Variants in PTN observed in about 807,000 individuals in gnomAD.
PTN encodes pleiotrophin.
In PTN, 18 loss-of-function variants were observed where a neutral mutation model predicts 24.1. The observed-to-expected ratio is 0.75, with a 90% CI of 0.52 to 1.11. The LOEUF (loss-of-function observed/expected upper bound fraction) is 1.11. Among genes scored for constraint, PTN ranks in the 50% least tolerant of loss-of-function variants. The pLI is 0.00. For synonymous variants in PTN, 78 were observed against 68.6 expected, an observed-to-expected ratio of 1.14 and a Z score of -0.67; for missense variants, 163 against 198.8, an observed-to-expected ratio of 0.82 and a Z score of 1.08.
At chr7:137,310,404 G>A (rs148998408) in intron 1 of PTN, among the ~76,000 whole-genome samples, 4 of 115,816 alleles carry the variant, frequency 3.5e-5, no homozygotes, top group African/African-American at 1.3e-4. Context: ...TTTTTTTTTT[G>A]TTTTTTTTTT....
At chr7:137,336,770 G>A (rs988898450) in intron 1 of PTN, among the ~76,000 whole-genome samples, 10 of 152,178 alleles carry the variant, frequency 6.6e-5, no homozygotes, top group Admixed American at 2.6e-4. Flanking sequence ...TGCATCTGGT[G>A]CTGCTTCACC....
chr7:137,277,487 C>A (rs1315580465), intron 1 of PTN, among the ~76,000 whole-genome samples: 1 of 151,804 alleles, frequency 6.6e-6, no homozygotes, highest in Non-Finnish European at 1.5e-5. Context: ...TTGTAATAGC[C>A]AAAAATGGTA....
At chr7:137,332,177 C>T (rs992294884) in intron 1 of PTN, among the ~76,000 whole-genome samples, 1 of 152,144 alleles carries the variant, frequency 6.6e-6, no homozygotes, top group African/African-American at 2.4e-5. Flanking sequence ...CACCCAATTA[C>T]GCATCTAACT....
intron 1 of PTN, among the ~76,000 whole-genome samples, chr7:137,298,647 T>C (rs1438201463): frequency 6.6e-6 from 1 of 151,948 alleles, no homozygotes; most frequent in Non-Finnish European, 1.5e-5. Context: ...TTGCCTATAA[T>C]TATTGTAAAG....
intron 4 of PTN, among the ~76,000 whole-genome samples, chr7:137,249,272 C>CGTGTGTGTGTGT (rs60014659): frequency 1.1e-3 from 165 of 145,372 alleles, no homozygotes; most frequent in Middle Eastern, 3.5e-3. Flanking sequence ...GGACAGTGCA[C>CGTGTGTGTGTGT]GTGTGTGTGT....
chr7:137,311,632 G>A (rs1809984081), intron 1 of PTN, among the ~76,000 whole-genome samples: 1 of 152,118 alleles, frequency 6.6e-6, no homozygotes, highest in Admixed American at 6.6e-5. Context: ...TCAATATTTT[G>A]TCTCAACAAA....
At chr7:137,303,808 C>T (rs895299895) in intron 1 of PTN, among the ~76,000 whole-genome samples, 38 of 151,958 alleles carry the variant, frequency 2.5e-4, no homozygotes, top group Admixed American at 1.6e-3. Flanking sequence ...AGAAACTAAA[C>T]CAGCTAAGCT....
chr7:137,307,637 C>A (rs1334682607), intron 1 of PTN, among the ~76,000 whole-genome samples: 1 of 152,024 alleles, frequency 6.6e-6, no homozygotes, highest in Non-Finnish European at 1.5e-5. Context: ...TACATTACCT[C>A]CACAGTATGT....
At chr7:137,329,272 T>C (rs1267315224) in intron 1 of PTN, among the ~76,000 whole-genome samples, 1 of 152,174 alleles carries the variant, frequency 6.6e-6, no homozygotes, top group Non-Finnish European at 1.5e-5. Context: ...CTCAGAAATT[T>C]TAAATGATGA....
At chr7:137,308,329 T>C (rs1809922381) in intron 1 of PTN, among the ~76,000 whole-genome samples, 1 of 152,172 alleles carries the variant, frequency 6.6e-6, no homozygotes, top group African/African-American at 2.4e-5. Context: ...ATAGGAAAAC[T>C]GGACTTACCA....
intron 1 of PTN, among the ~76,000 whole-genome samples, chr7:137,300,674 G>T (rs758473714): frequency 6.6e-6 from 1 of 151,770 alleles, no homozygotes; most frequent in Non-Finnish European, 1.5e-5. Flanking sequence ...CAGCACAGCG[G>T]ATCTCCCAAA....
At chr7:137,266,015 TTAA>T (rs1809137581) in intron 1 of PTN, among the ~76,000 whole-genome samples, 1 of 152,228 alleles carries the variant, frequency 6.6e-6, no homozygotes, top group African/African-American at 2.4e-5. Flanking sequence ...TAGTGTGTTA[TTAA>T]TGTTAAACTT....
At chr7:137,244,815 C>G (rs1202058791) in intron 4 of PTN, among the ~76,000 whole-genome samples, 1 of 152,164 alleles carries the variant, frequency 6.6e-6, no homozygotes, top group East Asian at 1.9e-4. Flanking sequence ...AGGATTGCTT[C>G]TATACCTCAA....
intron 1 of PTN, chr7:137,325,890 C>T (rs1810251720): frequency 6.6e-6 from 1 of 152,172 alleles, no homozygotes; most frequent in African/African-American, 2.4e-5. Flanking sequence ...GGCCTCACAC[C>T]ATTCCATGTG....
intron 4 of PTN, among the ~76,000 whole-genome samples, chr7:137,242,587 T>G (rs1434634217): frequency 6.6e-6 from 1 of 152,210 alleles, no homozygotes; most frequent in East Asian, 1.9e-4. Flanking sequence ...ATGCATCTGA[T>G]TTAAAAAGTA....
At chr7:137,324,166 CA>C (rs1439473768) in intron 1 of PTN, among the ~76,000 whole-genome samples, 2 of 151,862 alleles carry the variant, frequency 1.3e-5, no homozygotes, top group Non-Finnish European at 1.5e-5. Flanking sequence ...ATGCCAAATA[CA>C]TTACACACAC....
chr7:137,279,750 T>C (rs1277972578), intron 1 of PTN, among the ~76,000 whole-genome samples: 1 of 152,142 alleles, frequency 6.6e-6, no homozygotes, highest in Non-Finnish European at 1.5e-5. Context: ...ATGAAGAATT[T>C]TGAACAAAGA....
chr7:137,297,694 CTT>C (rs1365238770), intron 1 of PTN, among the ~76,000 whole-genome samples: 1 of 151,992 alleles, frequency 6.6e-6, no homozygotes, highest in Non-Finnish European at 1.5e-5. Flanking sequence ...TTATCCAACA[CTT>C]TGAATTCCCG....
chr7:137,310,390 G>GTT (rs36009703), intron 1 of PTN, among the ~76,000 whole-genome samples: 3 of 137,210 alleles, frequency 2.2e-5, no homozygotes, highest in African/African-American at 2.7e-5. Context: ...AAGTTACCAT[G>GTT]TTTTTTTTTT....
Sources: allele counts gnomAD v4.1 joint callset (sites outside exome capture counted in the v4.1 genomes callset), GRCh38; gene constraint gnomAD v4.1.1; transcripts MANE v1.5; gene names NCBI Gene and HGNC (gene_info 2026-07-23, HGNC 2026-07-21).